Variants in RBM27 observed in about 807,000 individuals in gnomAD.
RBM27 encodes the protein RNA binding motif protein 27, also known as RNA-binding protein 27.
Under a neutral mutation model 135.3 loss-of-function variants are expected in RBM27, and 22 were observed. The observed-to-expected ratio is 0.16, with a 90% CI of 0.12 to 0.23. The LOEUF is 0.23. Ranked by LOEUF, RBM27 falls within the 10% of genes least tolerant of loss-of-function variation. RBM27 has a pLI of 1.00. For missense variants in RBM27, 1,009 were observed against 1,281.0 expected (o/e 0.79, Z 3.24); for synonymous variants, 481 against 442.4 (o/e 1.09, Z -1.10).
chr5:146,245,008 G>T (rs184820083), intron 8 of RBM27, among the ~76,000 whole-genome samples: 1 of 151,956 alleles, frequency 6.6e-6, no homozygotes, highest in Non-Finnish European at 1.5e-5. Flanking sequence ...CAAATAACTA[G>T]GCTGTACAGG....
intron 1 of RBM27, among the ~76,000 whole-genome samples, chr5:146,211,372 G>T (rs1755936465): frequency 6.8e-6 from 1 of 147,318 alleles, no homozygotes; most frequent in African/African-American, 2.5e-5. Context: ...TTGAAAAAAA[G>T]TAGAAGTACC....
At chr5:146,212,372 A>G (rs377262434) in intron 1 of RBM27, among the ~76,000 whole-genome samples, 1 of 130,222 alleles carries the variant, frequency 7.7e-6, no homozygotes, top group Non-Finnish European at 1.7e-5. Flanking sequence ...TTATTAAGAC[A>G]GGGTTTTGCT....
chr5:146,248,989 T>A (rs947566569), intron 8 of RBM27, among the ~76,000 whole-genome samples: 1 of 152,152 alleles, frequency 6.6e-6, no homozygotes, highest in Admixed American at 6.5e-5. Context: ...TTAATTAATT[T>A]TTTTTCTTTT....
At position 146,248,884 on chromosome 5, in the gene RBM27, C is replaced by G. The variant is rs982761713; in HGVS notation, c.1280-2827C>G. 3.9e-5 allele frequency among the ~76,000 whole-genome samples: 6 copies of G among 152,204 alleles called. No homozygotes were observed. The East Asian group carries it at 9.6e-4, about 24-fold the overall frequency. ...TAGACATACTTAATTAGATAGTATA[C>G]TTAGTACATCAAGTGATGTATCATA... On this transcript the variant is annotated intron_variant, in intron 8 of 20. Coordinates refer to ENST00000265271, the MANE Select transcript of RBM27 (RefSeq NM_018989.2).
chr5:146,262,863 C>A (rs1241674471), intron 13 of RBM27, among the ~76,000 whole-genome samples: 1 of 151,808 alleles, frequency 6.6e-6, no homozygotes, highest in East Asian at 1.9e-4. Flanking sequence ...AGTTAAGACC[C>A]CCTAATTCTT....
intron 1 of RBM27, among the ~76,000 whole-genome samples, chr5:146,212,292 G>C (rs1755996978): frequency 6.6e-6 from 1 of 152,018 alleles, no homozygotes; most frequent in African/African-American, 2.4e-5. Flanking sequence ...TTGACCTTGT[G>C]ATCCACCCGC....
intron 1 of RBM27, among the ~76,000 whole-genome samples, chr5:146,210,671 G>A (rs1332075833): frequency 6.6e-6 from 1 of 152,180 alleles, no homozygotes; most frequent in African/African-American, 2.4e-5. Flanking sequence ...TTTATAGCCG[G>A]GCACGGTGGC....
chr5:146,206,476 T>C (rs534095894), intron 1 of RBM27, among the ~76,000 whole-genome samples: 1 of 151,896 alleles, frequency 6.6e-6, no homozygotes, highest in African/African-American at 2.4e-5. Context: ...TGAGTTTAGT[T>C]TCTCCTTTTG....
intron 8 of RBM27, among the ~76,000 whole-genome samples, chr5:146,237,833 G>A (rs532148072): frequency 4.6e-5 from 7 of 152,166 alleles, no homozygotes; most frequent in South Asian, 2.1e-4. Context: ...GACAGCAGGC[G>A]TGTGCCACCA....
intron 19 of RBM27, among the ~76,000 whole-genome samples, chr5:146,277,381 A>G (rs926785594): frequency 6.6e-6 from 1 of 152,178 alleles, no homozygotes; most frequent in African/African-American, 2.4e-5. Flanking sequence ...TCTTATTTGA[A>G]GGCATTCTGT....
intron 1 of RBM27, among the ~76,000 whole-genome samples, chr5:146,205,571 G>C (rs925285476): frequency 6.7e-6 from 1 of 149,802 alleles, no homozygotes; most frequent in Non-Finnish European, 1.5e-5. Flanking sequence ...GAAGAATATA[G>C]GTCTCTTGAA....
Position 146,284,912 on chromosome 5 carries a change from TA to T in RBM27, c.3099+181del, listed in dbSNP as rs541915337. Among the ~76,000 whole-genome samples, 16 of 152,272 alleles carry T rather than the reference TA, an allele frequency of 1.1e-4. No homozygotes were observed. The East Asian group carries it at 1.3e-3, about 13-fold the overall frequency. On this transcript the variant is annotated intron_variant, in intron 20 of 20. Coordinates refer to ENST00000265271, the MANE Select transcript of RBM27 (RefSeq NM_018989.2). ...GGTCTAGAGATATAAGAAGCTGTGT[TA>T]GGGGTTATTTTCTTCTGATATAGGA...
At chr5:146,258,628 T>G (rs1666392446) in intron 11 of RBM27, 35 bp downstream of exon 11, 1 of 1,464,150 alleles carries the variant, frequency 6.8e-7, no homozygotes, top group South Asian at 1.5e-5. Context: ...CATCTAATTG[T>G]TATTGTCGTT....
intron 8 of RBM27, among the ~76,000 whole-genome samples, chr5:146,248,986 AT>A (rs1316419228): frequency 4.6e-5 from 7 of 151,784 alleles, no homozygotes; most frequent in South Asian, 2.1e-4. Context: ...TTTTTAATTA[AT>A]TTTTTTTCTT....
rs79546596 is a variant in RBM27 at position 146,272,128 on chromosome 5, A to G, written c.2988+454A>G. 7.2e-3 allele frequency among the ~76,000 whole-genome samples: 1,103 copies of G among 152,362 alleles called. 9 individuals are homozygous for G. The highest frequency in any genetic ancestry group is 0.021 in the African/African-American group (865 of 41,596). Reference sequence around the variant, plus strand: ...CTTTACTGTTTTGGACATATGCAGTATATACTCTTTCCAGCCACTCATTCA... The same window carrying G: ...CTTTACTGTTTTGGACATATGCAGTGTATACTCTTTCCAGCCACTCATTCA... On this transcript the variant is annotated intron_variant, in intron 19 of 20. Coordinates refer to ENST00000265271, the MANE Select transcript of RBM27 (RefSeq NM_018989.2).
intron 8 of RBM27, among the ~76,000 whole-genome samples, chr5:146,248,867 CTTAA>C (rs3062194): frequency 0.21 from 31,743 of 152,012 alleles, 4,182 homozygotes; most frequent in Admixed American, 0.33. Context: ...ATTAGACATA[CTTAA>C]TTAGATAGTA....
intron 19 of RBM27, 101 bp from the exon 20 acceptor site, chr5:146,284,521 C>A: frequency 1.3e-6 from 1 of 769,388 alleles, no homozygotes; most frequent in Non-Finnish European, 2.3e-6. Context: ...TAACAGATTT[C>A]TCTCCTGCCC....
intron 19 of RBM27, among the ~76,000 whole-genome samples, chr5:146,280,305 C>T (rs897497200): frequency 1.3e-5 from 2 of 152,134 alleles, no homozygotes; most frequent in Non-Finnish European, 2.9e-5. Flanking sequence ...GATCTACCTG[C>T]CTCAGCCTCA....
intron 14 of RBM27, among the ~76,000 whole-genome samples, chr5:146,267,319 A>G (rs1758656918): frequency 6.6e-6 from 1 of 152,162 alleles, no homozygotes; most frequent in Non-Finnish European, 1.5e-5. Flanking sequence ...TATAGTTTGG[A>G]TAGCATTCAT....
Sources: allele counts gnomAD v4.1 joint callset (sites outside exome capture counted in the v4.1 genomes callset), GRCh38; gene constraint gnomAD v4.1.1; transcripts MANE v1.5; gene names NCBI Gene and HGNC (gene_info 2026-07-23, HGNC 2026-07-21).